The following ARID5B variants were observed in gnomAD, a reference collection of about 807,000 sequenced individuals.
The protein encoded by ARID5B is AT-rich interactive domain-containing protein 5B.
ARID5B carries 13 observed loss-of-function variants against 97.2 expected under a neutral mutation model. That is an observed-to-expected ratio of 0.13 (90% CI 0.09 to 0.21). ARID5B has a LOEUF of 0.21. Among genes scored for constraint, ARID5B ranks in the 10% least tolerant of loss-of-function variants. The pLI is 1.00. For missense variants in ARID5B, 1,210 were observed against 1,465.3 expected, an observed-to-expected ratio of 0.83 and a Z score of 2.84; for synonymous variants, 556 against 570.3, an observed-to-expected ratio of 0.97 and a Z score of 0.36.
At chr10:61,921,040 C>T (rs191869592) in intron 2 of ARID5B, among the ~76,000 whole-genome samples, 2 of 152,242 alleles carry the variant, frequency 1.3e-5, no homozygotes, top group East Asian at 3.9e-4. Flanking sequence ...ATTGGTTTGT[C>T]GTCAACTCTG....
rs970985787 is a variant in ARID5B at position 61,933,986 on chromosome 10, G to T, written c.277-6197G>T. 3.9e-5 allele frequency among the ~76,000 whole-genome samples: 6 copies of T among 152,296 alleles called. No homozygotes were observed. In the East Asian group the frequency reaches 9.6e-4, roughly 24 times the overall value. On this transcript the variant is annotated intron_variant, in intron 2 of 9. Coordinates refer to ENST00000279873, the MANE Select transcript of ARID5B (RefSeq NM_032199.3). ...ATATAAGGCTGTTTCATCTTCTATTGAAAATCTGTTGTTTAGTGTAGCTAC... is the reference window on the plus strand; with the variant it reads ...ATATAAGGCTGTTTCATCTTCTATTTAAAATCTGTTGTTTAGTGTAGCTAC...
In ARID5B at chr10:62,091,309, C is replaced by G; in HGVS notation, c.1846C>G (p.Leu616Val). ...CCAGAATGAGACGGAGGATGACAAA[C>G]TGCCCGCCATGGCAGATTACATTGC... is the stretch of plus-strand genomic sequence containing the variant. Reference protein sequence around the residue: ...ANQNETEDDKLPAMADYIANC... With the variant: ...ANQNETEDDKVPAMADYIANC... The change falls in exon 10 of 10, where the codon CTG becomes GTG. Residue 616 changes from leucine to valine, a missense_variant. Leu to Val is a conservative substitution (Grantham distance 32, BLOSUM62 1). Coordinates refer to ENST00000279873, the MANE Select transcript of ARID5B (RefSeq NM_032199.3). 1 of 1,614,232 alleles carries G rather than the reference C, an allele frequency of 6.2e-7. No individual in the cohort carries two copies. Among genetic ancestry groups the G allele is most frequent in the Non-Finnish European group, 8.5e-7 (1 of 1,180,034 alleles).
At chr10:62,059,818 C>T (rs1839900093) in intron 7 of ARID5B, among the ~76,000 whole-genome samples, 1 of 152,162 alleles carries the variant, frequency 6.6e-6, no homozygotes, top group Non-Finnish European at 1.5e-5. Context: ...CAGGCTCTGA[C>T]ACTCTTTATC....
chr10:62,061,645 T>A (rs1176327487), intron 7 of ARID5B, among the ~76,000 whole-genome samples: 1 of 152,170 alleles, frequency 6.6e-6, no homozygotes, highest in Non-Finnish European at 1.5e-5. Flanking sequence ...AAGTTGCCAG[T>A]TCCCCATCTC....
intron 4 of ARID5B, among the ~76,000 whole-genome samples, chr10:62,022,399 C>A (rs79073532): frequency 0.023 from 3,574 of 152,294 alleles, 45 homozygotes; most frequent in African/African-American, 0.028. Flanking sequence ...CTCCCACTGA[C>A]CTGTGCACTG....
At chr10:62,059,849 A>G (rs1247260132) in intron 7 of ARID5B, among the ~76,000 whole-genome samples, 1 of 152,178 alleles carries the variant, frequency 6.6e-6, no homozygotes, top group Non-Finnish European at 1.5e-5. Context: ...AACTGACAGC[A>G]ATGGGTTATT....
Position 62,057,233 on chromosome 10 carries a change from A to G in ARID5B, c.963A>G (p.Glu321=), listed in dbSNP as rs945195988. 2 of 1,613,938 alleles carry G rather than the reference A, an allele frequency of 1.2e-6. No individual in the cohort carries two copies. The highest frequency in any genetic ancestry group is 1.1e-5 in the South Asian group (1 of 91,070). ...TTGGTGAAGAGTGCAGGGCAGATGA[A>G]CAAGCCTTCTTGGTGGCACTTTATA... is the stretch of plus-strand genomic sequence containing the variant. ...VAIGEECRAD[E]QAFLVALYKY... Residue 321 remains glutamate (E), a synonymous_variant, in exon 6 of 10, where the codon GAA becomes GAG. Coordinates refer to ENST00000279873, the MANE Select transcript of ARID5B (RefSeq NM_032199.3).
At chr10:61,973,401 C>G (rs1351171524) in intron 3 of ARID5B, among the ~76,000 whole-genome samples, 1 of 152,174 alleles carries the variant, frequency 6.6e-6, no homozygotes, top group Non-Finnish European at 1.5e-5. Context: ...TCAGGGGCTC[C>G]AGGGCTCTGG....
chr10:62,065,482 C>T (rs1450341470), intron 7 of ARID5B, among the ~76,000 whole-genome samples: 5 of 152,048 alleles, frequency 3.3e-5, no homozygotes, highest in African/African-American at 1.2e-4. Context: ...CATCTAATTG[C>T]GGACCTTGAA....
chr10:62,011,263 C>A (rs1057494463), intron 4 of ARID5B, among the ~76,000 whole-genome samples: 1 of 152,146 alleles, frequency 6.6e-6, no homozygotes, highest in Non-Finnish European at 1.5e-5. Context: ...CACACAACAC[C>A]AGAAACATGA....
rs147931245 is a variant in ARID5B at position 61,952,600 on chromosome 10, C to T, written c.502+12192C>T. ...CTCTGTTCTTAGTCTACTTGAGACA[C>T]CTATGTGCATTTGAAGGTTGATTTG... On this transcript the variant is annotated intron_variant, in intron 3 of 9. Transcript: ENST00000279873. Among the ~76,000 whole-genome samples, 736 of 152,290 alleles carry T rather than the reference C, an allele frequency of 4.8e-3. 2 individuals are homozygous for T. Among genetic ancestry groups the T allele is most frequent in the Non-Finnish European group, 6.2e-3 (420 of 68,028 alleles).
chr10:61,966,497 T>C (rs1838547344), intron 3 of ARID5B, among the ~76,000 whole-genome samples: 1 of 152,182 alleles, frequency 6.6e-6, no homozygotes, highest in African/African-American at 2.4e-5. Context: ...CTCAGTGATA[T>C]TGAGATTACT....
intron 2 of ARID5B, among the ~76,000 whole-genome samples, chr10:61,935,905 T>C (rs1047450016): frequency 6.6e-6 from 1 of 152,226 alleles, no homozygotes; most frequent in Non-Finnish European, 1.5e-5. Context: ...TTCTCATATC[T>C]CCTTCTGCAT....
chr10:62,008,747 A>G (rs1839178907), intron 4 of ARID5B, among the ~76,000 whole-genome samples: 1 of 152,178 alleles, frequency 6.6e-6, no homozygotes, highest in Admixed American at 6.5e-5. Flanking sequence ...AGAAATGAGG[A>G]TAGGGCTCTT....
At chr10:62,017,204 T>C (rs945235449) in intron 4 of ARID5B, among the ~76,000 whole-genome samples, 1 of 152,040 alleles carries the variant, frequency 6.6e-6, no homozygotes, top group African/African-American at 2.4e-5. Context: ...AAATAAGCCA[T>C]GACTTTGGGA....
At chr10:62,014,263 A>G (rs1839255384) in intron 4 of ARID5B, among the ~76,000 whole-genome samples, 1 of 152,144 alleles carries the variant, frequency 6.6e-6, no homozygotes, top group African/African-American at 2.4e-5. Flanking sequence ...TAAGATTGAG[A>G]CTCAATACTG....
At chr10:61,985,590 G>A (rs755882839) in intron 3 of ARID5B, among the ~76,000 whole-genome samples, 2 of 152,226 alleles carry the variant, frequency 1.3e-5, no homozygotes. Context: ...TCCTTTTGGG[G>A]TGATGAAAAT....
At chr10:61,957,912 C>T (rs1034902723) in intron 3 of ARID5B, among the ~76,000 whole-genome samples, 1 of 152,138 alleles carries the variant, frequency 6.6e-6, no homozygotes, top group African/African-American at 2.4e-5. Context: ...CTTCATAAGG[C>T]CAGGGCACTA....
At chr10:62,046,979 AT>A (rs1337855614) in intron 4 of ARID5B, 1 of 147,482 alleles carries the variant, frequency 6.8e-6, no homozygotes, top group East Asian at 2.0e-4. Context: ...TGAATACTTC[AT>A]TTTGAGGCAA....
Sources: allele counts gnomAD v4.1 joint callset (sites outside exome capture counted in the v4.1 genomes callset), GRCh38; gene constraint gnomAD v4.1.1; transcripts MANE v1.5; gene names NCBI Gene and HGNC (gene_info 2026-07-23, HGNC 2026-07-21).